Variants in KIF11 observed in about 807,000 individuals in gnomAD.
The protein encoded by KIF11 is kinesin family member 11.
KIF11 carries 9 observed loss-of-function variants against 121.0 expected under a neutral mutation model. The ratio of observed to expected loss-of-function variants is 0.07; its 90% CI spans 0.04 to 0.13. KIF11 has a LOEUF of 0.13. KIF11 is among the 10% of genes least tolerant of loss of function. The probability of loss-of-function intolerance (pLI) is 1.00; values close to 1 mark genes in which losing one functional copy is unlikely to be tolerated. For missense variants in KIF11, 846 were observed against 1,217.5 expected, an observed-to-expected ratio of 0.69 and a Z score of 4.54; for synonymous variants, 408 against 421.0, an observed-to-expected ratio of 0.97 and a Z score of 0.38.
At chr10:92,600,729 A>T (rs775774194) in intron 1 of KIF11, among the ~76,000 whole-genome samples, 15 of 150,718 alleles carry the variant, frequency 1.0e-4, no homozygotes, top group Non-Finnish European at 1.9e-4. Flanking sequence ...CTGGTCTCAA[A>T]CTCCTGACCT....
chr10:92,597,642 GT>G (rs1844314580), intron 1 of KIF11, among the ~76,000 whole-genome samples: 2 of 128,774 alleles, frequency 1.6e-5, no homozygotes, highest in South Asian at 4.9e-4. Context: ...CCTTGGGTTT[GT>G]TTGTTTGTTT....
chr10:92,605,482 A>ATTTTTTTTTTTTTTTTTT (rs58660991), intron 1 of KIF11, among the ~76,000 whole-genome samples: 1 of 98,308 alleles, frequency 1.0e-5, no homozygotes, highest in African/African-American at 4.1e-5. Context: ...ATTTGATCGG[A>ATTTTTTTTTTTTTTTTTT]TTTTTTTTTT....
intron 20 of KIF11, among the ~76,000 whole-genome samples, 165 bp from the exon 21 acceptor site, chr10:92,650,235 AT>A (rs1844966413): frequency 6.6e-6 from 1 of 152,196 alleles, no homozygotes; most frequent in Non-Finnish European, 1.5e-5. Context: ...CTCTATAAAA[AT>A]ATATTAGGAA....
Position 92,613,403 on chromosome 10 carries a change from T to A in KIF11, c.816T>A (p.Ile272=), listed in dbSNP as rs371871159. 1.9e-6 allele frequency: 3 copies of A among 1,609,224 alleles called. No homozygotes were observed. The African/African-American group carries it at 4.0e-5, about 22-fold the overall frequency. ...TTGATCTTGCAGGAAGTGAAAACAT[T>A]GGCCGTTCTGGAGCTGTTGATAAGA... ...NLVDLAGSEN[I]GRSGAVDKRA... Residue 272 remains isoleucine (I), a synonymous_variant, in exon 8 of 22, where the codon ATT becomes ATA. Transcript: ENST00000260731. The surrounding 1 kb of genome is among the most constrained non-coding windows in gnomAD (Gnocchi z 4.2).
chr10:92,622,982 G>A (rs572221963), intron 10 of KIF11, among the ~76,000 whole-genome samples: 1 of 152,280 alleles, frequency 6.6e-6, no homozygotes, highest in Non-Finnish European at 1.5e-5. Flanking sequence ...CAGCAAGGGG[G>A]AAGTCCATCT....
In KIF11 at chr10:92,606,654, C is replaced by T. The variant is rs184910536; in HGVS notation, c.246C>T (p.Tyr82=). ...FGASTKQIDV[Y]RSVVCPILDE... ...CATCTACTAAACAGATTGATGTTTA[C>T]CGAAGTGTTGTTTGTCCAATTCTGG... is the stretch of plus-strand genomic sequence containing the variant. The change falls in exon 3 of 22, where the codon TAC becomes TAT. Residue 82 remains tyrosine, a synonymous_variant. Transcript: ENST00000260731. The T allele has an allele frequency of 1.9e-5, 31 of 1,595,818 alleles. No homozygotes were observed. The East Asian group carries it at 6.9e-4, about 36-fold the overall frequency.
chr10:92,621,611 T>TGTGTGTGTGTGTGTGTGTGTGTG lies in KIF11; in HGVS notation c.1217+138_1217+139insGTGTGTGTGTGTGTGTGTGTGTG, dbSNP rs1564709442. ...ATACTTCATTTTGTGTGTGTGTGTG[T>TGTGTGTGTGTGTGTGTGTGTGTG]TTTCTTTTGAGACAAGGTCTCGCAC... On this transcript the variant is annotated intron_variant, in intron 10 of 21. Transcript: ENST00000260731. The TGTGTGTGTGTGTGTGTGTGTGTG allele has an allele frequency of 2.5e-4, 144 of 578,622 alleles. 1 individual carries two copies. The highest frequency in any genetic ancestry group is 6.3e-4 in the Admixed American group (21 of 33,224). The allele number at this position is 578,622 out of a possible 1,614,324, so 35.8% of individuals were successfully genotyped here. A position where few individuals can be genotyped will look rare whatever the true frequency, so the allele number is the denominator to read the frequency against.
At chr10:92,624,909 A>G (rs1424428430) in intron 10 of KIF11, among the ~76,000 whole-genome samples, 1 of 151,606 alleles carries the variant, frequency 6.6e-6, no homozygotes. Flanking sequence ...ATCTGGGATT[A>G]TAGGCACCCA....
At chr10:92,608,531 CG>C (rs202230844) in intron 4 of KIF11, among the ~76,000 whole-genome samples, 3,147 of 150,916 alleles carry the variant, frequency 0.021, 47 homozygotes, top group Admixed American at 0.052. Flanking sequence ...CTCCACCTCC[CG>C]GGTTCAAGTG....
In KIF11 at chr10:92,645,491, A is replaced by G. The variant is rs1206900054; in HGVS notation, c.2396A>G (p.Lys799Arg). The change falls in exon 18 of 22, where the codon AAA becomes AGA. Residue 799 changes from lysine (K) to arginine (R), a missense_variant. Lys to Arg is a conservative substitution (Grantham distance 26). Coordinates refer to ENST00000260731, the MANE Select transcript of KIF11 (RefSeq NM_004523.4). ...EGTKLVEESV[K>R]HSDKLNGNLE... ...ACAAAATTGGTTGAAGAATCTGTGA[A>G]ACACTCTGATAAACTCAATGGCAAC... The G allele has an allele frequency of 6.2e-7, 1 of 1,614,180 alleles. No homozygotes were observed. Among genetic ancestry groups the G allele is most frequent in the Admixed American group, 1.7e-5 (1 of 60,030 alleles).
chr10:92,623,355 C>G (rs1424317190), intron 10 of KIF11, among the ~76,000 whole-genome samples: 1 of 152,048 alleles, frequency 6.6e-6, no homozygotes, highest in African/African-American at 2.4e-5. Flanking sequence ...ACAGAGAAAA[C>G]AAGGGGAAGA....
chr10:92,634,009 A>G (rs542670037), intron 14 of KIF11, among the ~76,000 whole-genome samples: 1 of 152,194 alleles, frequency 6.6e-6, no homozygotes, highest in Non-Finnish European at 1.5e-5. Flanking sequence ...TTGTTTTGAG[A>G]TGGAGTCTCG....
Position 92,621,375 on chromosome 10 carries a change from T to C in KIF11, c.1129-10T>C. On this transcript the variant is annotated splice_polypyrimidine_tract_variant and intron_variant, in intron 9 of 21. Transcript: ENST00000260731. ...ACTAAACTGACACCTACAACATTCC[T>C]CTTGTGTAGGAGTATACGGAGGAGA... is the stretch of plus-strand genomic sequence containing the variant. 1.3e-6 allele frequency: 2 copies of C among 1,564,514 alleles called. No homozygotes were observed. Among genetic ancestry groups the C allele is most frequent in the Non-Finnish European group, 1.8e-6 (2 of 1,139,382 alleles).
At chr10:92,617,876 A>G (rs1334020902) in intron 9 of KIF11, among the ~76,000 whole-genome samples, 1 of 151,964 alleles carries the variant, frequency 6.6e-6, no homozygotes, top group Admixed American at 6.6e-5. Context: ...AGTAGCTGGG[A>G]CTACAGGTGT....
intron 4 of KIF11, among the ~76,000 whole-genome samples, chr10:92,607,981 C>G (rs1019358650): frequency 1.3e-4 from 19 of 151,562 alleles, no homozygotes; most frequent in Non-Finnish European, 2.5e-4. Flanking sequence ...ATGGTGAAAC[C>G]CGGTCTCTAC....
In KIF11 at chr10:92,623,977, T is replaced by G. The variant is rs527976409; in HGVS notation, c.1217+2504T>G. ...CATGTAACAGGAGTTGGTGTACATA[T>G]TATTTTGTCACCCAGATAATAACCA... is the stretch of plus-strand genomic sequence containing the variant. On this transcript the variant is annotated intron_variant, in intron 10 of 21. Transcript: ENST00000260731. 4.5e-4 allele frequency among the ~76,000 whole-genome samples: 68 copies of G among 152,218 alleles called. 1 individual carries two copies. The South Asian group carries it at 0.014, about 31-fold the overall frequency.
intron 13 of KIF11, 107 bp downstream of exon 13, chr10:92,632,800 C>T: frequency 1.7e-6 from 1 of 587,666 alleles, no homozygotes; most frequent in South Asian, 3.3e-5. Context: ...ATACTCTCTA[C>T]CATGCACAAA....
intron 1 of KIF11, among the ~76,000 whole-genome samples, chr10:92,595,979 T>G (rs1398835206): frequency 6.6e-6 from 1 of 152,162 alleles, no homozygotes; most frequent in Non-Finnish European, 1.5e-5. Flanking sequence ...CATATGTCAA[T>G]GGATACTTGA....
Position 92,630,862 on chromosome 10 carries a change from C to T in KIF11, c.1494+498C>T, listed in dbSNP as rs1399212369. Among the ~76,000 whole-genome samples, 170 of 80,240 alleles carry T rather than the reference C, an allele frequency of 2.1e-3. 2 individuals carry two copies. The highest frequency in any genetic ancestry group is 6.2e-4 in the Non-Finnish European group (28 of 45,482). The allele number at this position is 80,240 out of a possible 152,430, so 52.6% of individuals were successfully genotyped here. The stretch of plus-strand genomic sequence containing the variant: ...AGCCTGGGCAACAAGAGCGAAACTC[C>T]GTCTCAAAAAAAAAAAAAAAAAAGA... On this transcript the variant is annotated intron_variant, in intron 12 of 21. Coordinates refer to ENST00000260731, the MANE Select transcript of KIF11 (RefSeq NM_004523.4).
Sources: gnomAD v4.1 joint callset for allele counts (sites outside exome capture counted in the v4.1 genomes callset) on GRCh38, gnomAD v4.1.1 for gene constraint, Gnocchi (gnomAD v3.1) non-coding constraint, MANE v1.5 for transcripts, NCBI Gene and HGNC (gene_info 2026-07-23, HGNC 2026-07-21) for gene names.